KATNIP: variants seen among roughly 807,000 people sequenced by gnomAD.
KATNIP encodes katanin-interacting protein.
KATNIP carries 126 observed loss-of-function variants against 174.0 expected under a neutral mutation model. That is an observed-to-expected ratio of 0.72 (90% CI 0.63 to 0.84). The LOEUF is 0.84. KATNIP is among the 40% of genes least tolerant of loss of function. The pLI, the probability that KATNIP is intolerant of heterozygous loss-of-function variation, is 0.00. For synonymous variants in KATNIP, 810 were observed against 835.7 expected (o/e 0.97, Z 0.53); for missense variants, 1,958 against 2,109.7 (o/e 0.93, Z 1.41).
chr16:27,777,978 C>T lies in KATNIP; in HGVS notation c.4801+9C>T, dbSNP rs370011337. On this transcript the variant is annotated intron_variant, in intron 27 of 27. Coordinates refer to ENST00000261588, the MANE Select transcript of KATNIP (RefSeq NM_015202.5). This position sits in a 1 kb window ranked among gnomAD's most constrained non-coding sequence, Gnocchi z 4.4. The stretch of plus-strand genomic sequence containing the variant: ...GAGCGTTGTTGACCCAGGTCAGTGG[C>T]GTTTCTCTGCCCAGAGCATTGTGCC... 177 of 1,612,456 alleles carry T rather than the reference C, an allele frequency of 1.1e-4. No individual in the cohort carries two copies. The highest frequency in any genetic ancestry group is 1.6e-4 in the Middle Eastern group (1 of 6,084).
chr16:27,731,785 A>T (rs959998623), intron 14 of KATNIP, among the ~76,000 whole-genome samples: 3 of 151,878 alleles, frequency 2.0e-5, no homozygotes, highest in Non-Finnish European at 4.4e-5. Flanking sequence ...CACAGGGCTA[A>T]TTTTTTTGTA....
chr16:27,642,225 T>G (rs1415064722), intron 5 of KATNIP, among the ~76,000 whole-genome samples: 2 of 152,196 alleles, frequency 1.3e-5, no homozygotes, highest in Admixed American at 1.3e-4. Context: ...ATGTCCTTTG[T>G]AGGGACATGG....
chr16:27,617,014 A>G (rs981719671), intron 2 of KATNIP, among the ~76,000 whole-genome samples: 1 of 151,828 alleles, frequency 6.6e-6, no homozygotes, highest in African/African-American at 2.4e-5. Flanking sequence ...GAAGATATAT[A>G]TATCAAATTA....
intron 5 of KATNIP, among the ~76,000 whole-genome samples, chr16:27,641,971 G>A (rs2076814310): frequency 6.6e-6 from 1 of 152,232 alleles, no homozygotes; most frequent in African/African-American, 2.4e-5. Flanking sequence ...CCTCCTCCTT[G>A]CCCCTTCTCG....
intron 2 of KATNIP, 74 bp downstream of exon 2, chr16:27,574,030 T>A (rs1171392748): frequency 7.7e-7 from 1 of 1,305,234 alleles, no homozygotes; most frequent in African/African-American, 1.5e-5. Context: ...GGGTGGCGAA[T>A]AAGTGTCCCT....
chr16:27,734,473 C>T (rs928415746), intron 14 of KATNIP, among the ~76,000 whole-genome samples: 14 of 149,696 alleles, frequency 9.4e-5, no homozygotes, highest in African/African-American at 1.5e-4. Flanking sequence ...GCGAGGTGGA[C>T]GGATCACCTG....
At chr16:27,588,233 C>G (rs1315942471) in intron 2 of KATNIP, among the ~76,000 whole-genome samples, 1 of 151,756 alleles carries the variant, frequency 6.6e-6, no homozygotes, top group Non-Finnish European at 1.5e-5. Flanking sequence ...AGAAATAGGA[C>G]CATACTAAGG....
At chr16:27,565,265 A>G (rs772034503) in intron 1 of KATNIP, among the ~76,000 whole-genome samples, 1 of 151,382 alleles carries the variant, frequency 6.6e-6, no homozygotes, top group Non-Finnish European at 1.5e-5. Flanking sequence ...CAGGAGTTTG[A>G]GACCAGCTTG....
chr16:27,674,923 C>T (rs2142726122), intron 6 of KATNIP, among the ~76,000 whole-genome samples: 1 of 152,336 alleles, frequency 6.6e-6, no homozygotes, highest in East Asian at 1.9e-4. Context: ...TCCAAAATCT[C>T]ATCATCTAAA....
chr16:27,677,971 G>T lies in KATNIP; in HGVS notation c.783G>T (p.Val261=), dbSNP rs139828971. Residue 261 remains valine, a synonymous_variant, in exon 7 of 28, where the codon GTG becomes GTT. Coordinates refer to ENST00000261588, the MANE Select transcript of KATNIP (RefSeq NM_015202.5). The part of the protein sequence containing the change: ...RSSPGPDTLV[V]LEFNPASKSH... ...CTCCAGGCCCAGACACCCTCGTGGT[G>T]CTGGAATTTAACCCAGCTTCCAAAA... 4 of 1,613,952 alleles carry T rather than the reference G, an allele frequency of 2.5e-6. No homozygotes were observed. Among genetic ancestry groups the T allele is most frequent in the Non-Finnish European group, 3.4e-6 (4 of 1,179,924 alleles).
At chr16:27,590,891 C>T (rs1377856615) in intron 2 of KATNIP, among the ~76,000 whole-genome samples, 3 of 152,220 alleles carry the variant, frequency 2.0e-5, no homozygotes, top group African/African-American at 7.2e-5. Context: ...GCTAGTGGCA[C>T]CCCTTTTTAT....
intron 6 of KATNIP, among the ~76,000 whole-genome samples, chr16:27,653,999 G>A (rs940521005): frequency 3.3e-5 from 5 of 150,904 alleles, no homozygotes; most frequent in African/African-American, 7.3e-5. Context: ...ATTTAAAGAC[G>A]GAGTCTTGCT....
At chr16:27,614,634 A>G (rs146452707) in intron 2 of KATNIP, among the ~76,000 whole-genome samples, 1 of 152,118 alleles carries the variant, frequency 6.6e-6, no homozygotes, top group African/African-American at 2.4e-5. Flanking sequence ...AATTTCTTAT[A>G]ATTTCATTAT....
chr16:27,570,777 G>A (rs2090261632), intron 1 of KATNIP, among the ~76,000 whole-genome samples: 1 of 152,004 alleles, frequency 6.6e-6, no homozygotes, highest in African/African-American at 2.4e-5. Context: ...TGGGTCTCCA[G>A]GCTTGCTCCA....
At position 27,668,506 on chromosome 16, in the gene KATNIP, A is replaced by G. The variant is rs2077766329; in HGVS notation, c.541-9223A>G. Among the ~76,000 whole-genome samples the G allele has an allele frequency of 3.9e-5, 6 of 152,328 alleles. No individual in the cohort carries two copies. The South Asian group carries it at 1.2e-3, about 32-fold the overall frequency. On this transcript the variant is annotated intron_variant, in intron 6 of 27. Transcript: ENST00000261588. ...TGTGAGGCCTCCCCAGCCATGTGGA[A>G]CTGTAAGTCAAGTAAACCTCTTTTT...
chr16:27,684,393 T>G (rs753234685), intron 8 of KATNIP, among the ~76,000 whole-genome samples: 76 of 152,198 alleles, frequency 5.0e-4, no homozygotes, highest in Non-Finnish European at 1.3e-4. Context: ...CCCACATTAA[T>G]TACCACTTAA....
chr16:27,703,843 C>G lies in KATNIP; in HGVS notation c.1287-53C>G. ...GCAGCACTTTTGATTGGAATGTTCT[C>G]TTTTGTGTATCATTTACTACTTCCT... is the stretch of plus-strand genomic sequence containing the variant. On this transcript the variant is annotated intron_variant, in intron 11 of 27. Coordinates refer to ENST00000261588, the MANE Select transcript of KATNIP (RefSeq NM_015202.5). 6.0e-6 allele frequency: 8 copies of G among 1,341,342 alleles called. No homozygotes were observed. The South Asian group carries it at 9.4e-5, about 16-fold the overall frequency. 83.1% of individuals were successfully genotyped at this position (1,341,342 alleles called of 1,614,324 possible).
intron 7 of KATNIP, among the ~76,000 whole-genome samples, 175 bp downstream of exon 7, chr16:27,678,171 C>T (rs2078192136): frequency 6.6e-6 from 1 of 152,326 alleles, no homozygotes; most frequent in Admixed American, 6.5e-5. Flanking sequence ...CCAAAGGCTT[C>T]CTCAGGGCCC....
At chr16:27,566,622 T>G (rs2090101114) in intron 1 of KATNIP, among the ~76,000 whole-genome samples, 1 of 152,064 alleles carries the variant, frequency 6.6e-6, no homozygotes, top group Non-Finnish European at 1.5e-5. Flanking sequence ...AAGAACGGTG[T>G]GCAGGCAGCA....
Sources: allele counts gnomAD v4.1 joint callset (sites outside exome capture counted in the v4.1 genomes callset), GRCh38; gene constraint gnomAD v4.1.1; non-coding constraint Gnocchi (gnomAD v3.1); transcripts MANE v1.5; gene names NCBI Gene and HGNC (gene_info 2026-07-23, HGNC 2026-07-21).